The following AP1S3 variants were observed in gnomAD, a reference collection of about 807,000 sequenced individuals.
The protein encoded by AP1S3 is adaptor related protein complex 1 subunit sigma 3, also known as AP-1 complex subunit sigma-3.
AP1S3 carries 10 observed loss-of-function variants against 20.9 expected under a neutral mutation model. That is an observed-to-expected ratio of 0.48 (90% CI 0.29 to 0.81). The LOEUF is 0.81. Among genes scored for constraint, AP1S3 ranks in the 30% least tolerant of loss-of-function variants. The pLI, the probability that AP1S3 is intolerant of heterozygous loss-of-function variation, is 0.08. For missense variants in AP1S3, 154 were observed against 183.8 expected (o/e 0.84, Z 0.94); for synonymous variants, 41 against 61.5 (o/e 0.67, Z 1.56).
rs1369313413 is a variant in AP1S3 at position 223,837,478 on chromosome 2, T to C, written c.-28A>G. 3.1e-6 allele frequency: 4 copies of C among 1,280,644 alleles called. No homozygotes were observed. In the African/African-American group the frequency reaches 4.6e-5, roughly 15 times the overall value. The allele number at this position is 1,280,644 out of a possible 1,614,324, so 79.3% of individuals were successfully genotyped here. ...TGGCTGGGCCGCCGCCTCCCCCGCC[T>C]TGCGAGCAAGGAGCGCTGGAGAAGC... On this transcript the variant is annotated 5_prime_UTR_variant, in exon 1 of 5. Transcript: ENST00000396654.
intron 2 of AP1S3, 46 bp from the exon 3 acceptor site, chr2:223,776,055 CA>C (rs775384601): frequency 2.0e-6 from 3 of 1,466,064 alleles, no homozygotes; most frequent in Non-Finnish European, 2.8e-6. Context: ...ATACATTAAG[CA>C]ACCTGGAGAC....
At chr2:223,820,789 A>G (rs1006680378) in intron 1 of AP1S3, among the ~76,000 whole-genome samples, 7 of 152,050 alleles carry the variant, frequency 4.6e-5, no homozygotes, top group East Asian at 1.9e-4. Flanking sequence ...CTCGGGAACT[A>G]GATTGCTGAC....
At chr2:223,760,218 G>A (rs1053451151) in intron 4 of AP1S3, among the ~76,000 whole-genome samples, 1 of 152,092 alleles carries the variant, frequency 6.6e-6, no homozygotes, top group African/African-American at 2.4e-5. Flanking sequence ...AAAATCACCT[G>A]CCTCTTTCGT....
At chr2:223,774,290 G>T (rs1336367777) in intron 3 of AP1S3, among the ~76,000 whole-genome samples, 2 of 152,034 alleles carry the variant, frequency 1.3e-5, no homozygotes, top group East Asian at 3.8e-4. Context: ...GCTTGAACTC[G>T]GGAGGCAGAG....
At chr2:223,763,137 G>C (rs1488087446) in intron 4 of AP1S3, among the ~76,000 whole-genome samples, 1 of 152,178 alleles carries the variant, frequency 6.6e-6, no homozygotes, top group Non-Finnish European at 1.5e-5. Flanking sequence ...TAGCGCAACA[G>C]AAGAGACTGA....
At chr2:223,798,795 G>T (rs939438170) in intron 1 of AP1S3, among the ~76,000 whole-genome samples, 1 of 152,190 alleles carries the variant, frequency 6.6e-6, no homozygotes, top group African/African-American at 2.4e-5. Context: ...GTTGCAGCTG[G>T]GTGCAGTGGC....
intron 1 of AP1S3, among the ~76,000 whole-genome samples, chr2:223,832,673 CTT>C (rs1692300626): frequency 6.6e-6 from 1 of 152,184 alleles, no homozygotes; most frequent in Non-Finnish European, 1.5e-5. Context: ...TTCATTCAAG[CTT>C]CAGAACATAA....
At chr2:223,806,092 T>C (rs948669571) in intron 1 of AP1S3, among the ~76,000 whole-genome samples, 3 of 152,048 alleles carry the variant, frequency 2.0e-5, no homozygotes, top group African/African-American at 7.2e-5. Context: ...ACTGCATACC[T>C]CTCTGGCAGG....
At chr2:223,801,997 CA>C (rs1421230722) in intron 1 of AP1S3, among the ~76,000 whole-genome samples, 1 of 152,184 alleles carries the variant, frequency 6.6e-6, no homozygotes, top group Non-Finnish European at 1.5e-5. Context: ...CAACATTTTG[CA>C]AAAGATATCT....
intron 3 of AP1S3, among the ~76,000 whole-genome samples, chr2:223,765,868 C>T (rs1449676152): frequency 6.6e-6 from 1 of 152,172 alleles, no homozygotes; most frequent in Non-Finnish European, 1.5e-5. Flanking sequence ...CTACAGCCCA[C>T]CCCCAGAGTT....
rs527550327 is a variant in AP1S3, at chr2:223,780,308, TAGAGAG to T, written c.4-2445_4-2440del. On this transcript the variant is annotated intron_variant, in intron 1 of 4. Transcript: ENST00000396654. ...ATATATATATATATATATATATATA[TAGAGAG>T]AGAGAGAGAGAGAGAGAGAGAGAGA... Among the ~76,000 whole-genome samples, 426 of 61,380 alleles carry T rather than the reference TAGAGAG, an allele frequency of 6.9e-3. 5 individuals are homozygous for T. The highest frequency in any genetic ancestry group is 0.024 in the Middle Eastern group (2 of 84). 40.3% of individuals were successfully genotyped at this position (61,380 alleles called of 152,430 possible).
chr2:223,782,076 A>C (rs967521404), intron 1 of AP1S3, among the ~76,000 whole-genome samples: 7 of 145,464 alleles, frequency 4.8e-5, no homozygotes, highest in Non-Finnish European at 1.0e-4. Context: ...CAGTGGCGCC[A>C]TCTTGGCTTA....
chr2:223,813,113 A>T (rs1320552128), intron 1 of AP1S3, among the ~76,000 whole-genome samples: 2 of 151,994 alleles, frequency 1.3e-5, no homozygotes, highest in South Asian at 4.2e-4. Flanking sequence ...TACAATAAAA[A>T]TTTTTGTATT....
intron 1 of AP1S3, among the ~76,000 whole-genome samples, chr2:223,808,960 A>C (rs1244962956): frequency 6.6e-6 from 1 of 152,218 alleles, no homozygotes; most frequent in Non-Finnish European, 1.5e-5. Context: ...GTACCACGCC[A>C]CTACAGCCTG....
At chr2:223,769,579 T>A (rs534358312) in intron 3 of AP1S3, among the ~76,000 whole-genome samples, 11 of 146,566 alleles carry the variant, frequency 7.5e-5, no homozygotes, top group Non-Finnish European at 1.5e-4. Context: ...GTGTCACAGA[T>A]ACTGTCTCCT....
intron 2 of AP1S3, among the ~76,000 whole-genome samples, chr2:223,776,722 A>G (rs1690793294): frequency 6.6e-6 from 1 of 152,084 alleles, no homozygotes; most frequent in African/African-American, 2.4e-5. Flanking sequence ...TAGTTATCTC[A>G]TCTATAAATT....
chr2:223,822,839 C>T (rs778865888), intron 1 of AP1S3, among the ~76,000 whole-genome samples: 72 of 151,670 alleles, frequency 4.7e-4, no homozygotes, highest in Non-Finnish European at 5.7e-4. Flanking sequence ...TCCATAAATC[C>T]AGTAAGGGGT....
intron 1 of AP1S3, among the ~76,000 whole-genome samples, chr2:223,795,050 GA>G (rs1691302878): frequency 6.6e-6 from 1 of 152,150 alleles, no homozygotes; most frequent in South Asian, 2.1e-4. Context: ...AGGAGTTGGA[GA>G]CCAGGCTGAC....
At chr2:223,820,046 A>G (rs577578777) in intron 1 of AP1S3, among the ~76,000 whole-genome samples, 1 of 152,310 alleles carries the variant, frequency 6.6e-6, no homozygotes, top group African/African-American at 2.4e-5. Context: ...TTTTATTGGC[A>G]TAATGTTTGC....
Sources: gnomAD v4.1 joint callset for allele counts (sites outside exome capture counted in the v4.1 genomes callset) on GRCh38, gnomAD v4.1.1 for gene constraint, MANE v1.5 for transcripts, NCBI Gene and HGNC (gene_info 2026-07-23, HGNC 2026-07-21) for gene names.